Variants in TMEM232 observed in about 807,000 individuals in gnomAD.
The protein encoded by TMEM232 is transmembrane protein 232.
A neutral mutation model predicts 78.8 loss-of-function variants in TMEM232; 80 were observed. The observed-to-expected ratio is 1.01, with a 90% confidence interval of 0.85 to 1.22. TMEM232 has a LOEUF of 1.22. TMEM232 is among the 50% of genes most tolerant of loss of function. The pLI is 0.00. For missense variants in TMEM232, 881 were observed against 742.2 expected (o/e 1.19, Z -2.17); for synonymous variants, 297 against 254.3 (o/e 1.17, Z -1.60).
intron 8 of TMEM232, among the ~76,000 whole-genome samples, chr5:110,606,811 T>C (rs960856968): frequency 6.6e-6 from 1 of 152,054 alleles, no homozygotes; most frequent in Non-Finnish European, 1.5e-5. Context: ...TAGTTTTTTT[T>C]AATATTATAA....
intron 9 of TMEM232, 25 bp from the exon 10 acceptor site, chr5:110,605,383 A>T: frequency 6.5e-7 from 1 of 1,534,856 alleles, no homozygotes; most frequent in Non-Finnish European, 8.8e-7. Flanking sequence ...TAGATATTTG[A>T]TCATCAAAGT....
chr5:110,478,424 T>TG (rs1237459494), intron 12 of TMEM232, among the ~76,000 whole-genome samples: 1 of 151,896 alleles, frequency 6.6e-6, no homozygotes, highest in Non-Finnish European at 1.5e-5. Context: ...AATGGAGAAT[T>TG]GCGATAATTG....
chr5:110,492,253 T>C (rs1177211599), intron 12 of TMEM232, among the ~76,000 whole-genome samples: 1 of 151,580 alleles, frequency 6.6e-6, no homozygotes, highest in Non-Finnish European at 1.5e-5. Flanking sequence ...GCACATAATA[T>C]TATTAACAGA....
chr5:110,683,222 T>C (rs1792966913), intron 1 of TMEM232, among the ~76,000 whole-genome samples: 3 of 152,122 alleles, frequency 2.0e-5, no homozygotes, highest in Admixed American at 2.0e-4. Context: ...TCAAAATGTG[T>C]GGGTTTAATT....
chr5:110,568,975 C>A (rs1047598517), intron 10 of TMEM232, among the ~76,000 whole-genome samples: 5 of 151,744 alleles, frequency 3.3e-5, no homozygotes, highest in Admixed American at 6.6e-5. Context: ...ACACAGGCCA[C>A]CATGGTGAAT....
At chr5:110,701,566 A>G (rs1403019443) in intron 1 of TMEM232, among the ~76,000 whole-genome samples, 1 of 151,988 alleles carries the variant, frequency 6.6e-6, no homozygotes, top group Non-Finnish European at 1.5e-5. Flanking sequence ...CTTTTGTCCA[A>G]TATACTTGTA....
At chr5:110,558,845 C>T (rs1376337231) in intron 11 of TMEM232, among the ~76,000 whole-genome samples, 1 of 152,170 alleles carries the variant, frequency 6.6e-6, no homozygotes, top group African/African-American at 2.4e-5. Flanking sequence ...ATCTACAGGT[C>T]CATGGCAAGA....
At chr5:110,694,124 G>C (rs1050795304) in intron 1 of TMEM232, among the ~76,000 whole-genome samples, 6 of 152,018 alleles carry the variant, frequency 3.9e-5, no homozygotes, top group African/African-American at 1.4e-4. Flanking sequence ...AACTCTACAA[G>C]CCAGAAGAGA....
chr5:110,468,111 A>AGAT (rs536293535), intron 12 of TMEM232, among the ~76,000 whole-genome samples: 61 of 152,198 alleles, frequency 4.0e-4, no homozygotes, highest in African/African-American at 1.4e-3. Flanking sequence ...AGAAAAAAAA[A>AGAT]GATAGATACA....
At chr5:110,559,149 A>G (rs188101001) in intron 11 of TMEM232, among the ~76,000 whole-genome samples, 23 of 152,264 alleles carry the variant, frequency 1.5e-4, no homozygotes, top group African/African-American at 4.3e-4. Context: ...AATCACAAAG[A>G]AAAAAATATA....
At chr5:110,693,138 C>T (rs1294024919) in intron 1 of TMEM232, among the ~76,000 whole-genome samples, 1 of 152,146 alleles carries the variant, frequency 6.6e-6, no homozygotes, top group Non-Finnish European at 1.5e-5. Flanking sequence ...GCAGCATTTG[C>T]GGTTCACCAA....
intron 3 of TMEM232, among the ~76,000 whole-genome samples, chr5:110,641,889 T>C (rs73226251): frequency 0.042 from 6,436 of 152,258 alleles, 439 homozygotes; most frequent in African/African-American, 0.15. Context: ...AATAGTTTGT[T>C]ACAGAGAAAG....
At chr5:110,549,928 CCT>C (rs1365524988) in intron 11 of TMEM232, among the ~76,000 whole-genome samples, 1 of 151,922 alleles carries the variant, frequency 6.6e-6, no homozygotes, top group Admixed American at 6.6e-5. Flanking sequence ...AAAATAGAAA[CCT>C]CTTCCAGAGT....
chr5:110,464,997 C>T (rs1033026154), intron 12 of TMEM232, among the ~76,000 whole-genome samples: 3 of 152,212 alleles, frequency 2.0e-5, no homozygotes, highest in African/African-American at 7.2e-5. Flanking sequence ...TAAGGACTGG[C>T]TTCCTTAAGG....
chr5:110,728,934 G>C (rs1320149376), upstream of TMEM232, among the ~76,000 whole-genome samples: 1 of 150,958 alleles, frequency 6.6e-6, no homozygotes, highest in African/African-American at 2.4e-5. Flanking sequence ...CCCCAGGCTG[G>C]AGTGCAATGG....
At chr5:110,511,401 C>A (rs1022123025) in intron 12 of TMEM232, among the ~76,000 whole-genome samples, 2 of 151,288 alleles carry the variant, frequency 1.3e-5, no homozygotes, top group Non-Finnish European at 2.9e-5. Context: ...ATGTAACAAA[C>A]CTGCACGCTC....
At position 110,528,607 on chromosome 5, in the gene TMEM232, C is replaced by T. The variant is rs1445736727; in HGVS notation, c.1684G>A (p.Val562Ile). ...NKKLESVKKQ[V>I]LHFTVREHPS... is the part of the protein sequence containing the mutation. ...CTTTACCTTACAGTGAAATGTAGAA[C>T]TTGCTTTTTCACAGACTCCAGCTTT... The change falls in exon 12 of 14, where the codon GTT becomes ATT. Residue 562 changes from valine (V) to isoleucine (I), a missense_variant. By Grantham distance (29) the Val-to-Ile change is conservative. Coordinates refer to ENST00000455884, the MANE Select transcript of TMEM232 (RefSeq NM_001039763.4). 6.5e-7 allele frequency: 1 copy of T among 1,530,098 alleles called. No homozygotes were observed. Among genetic ancestry groups the T allele is most frequent in the Non-Finnish European group, 8.7e-7 (1 of 1,143,934 alleles). The allele number at this position is 1,530,098 out of a possible 1,614,324, so 94.8% of individuals were successfully genotyped here.
intron 11 of TMEM232, among the ~76,000 whole-genome samples, chr5:110,530,788 T>G (rs141990383): frequency 6.6e-6 from 1 of 152,228 alleles, no homozygotes; most frequent in Non-Finnish European, 1.5e-5. Flanking sequence ...AGAGCTCTAA[T>G]GTACAACATG....
At chr5:110,738,876 C>G (rs1561594625), upstream of TMEM232, 12 of 940,084 alleles carry the variant, frequency 1.3e-5, no homozygotes, top group African/African-American at 1.7e-5. Context: ...TATTCCCTAA[C>G]GACAACAAAC....
Sources: gnomAD v4.1 joint callset for allele counts (sites outside exome capture counted in the v4.1 genomes callset) on GRCh38, gnomAD v4.1.1 for gene constraint, MANE v1.5 for transcripts, NCBI Gene and HGNC (gene_info 2026-07-23, HGNC 2026-07-21) for gene names.